Variants in CYB5R3 observed in about 807,000 individuals in gnomAD.
The protein encoded by CYB5R3 is cytochrome b5 reductase 3.
A neutral mutation model predicts 36.5 loss-of-function variants in CYB5R3; 28 were observed. The ratio of observed to expected loss-of-function variants is 0.77; its 90% CI spans 0.57 to 1.05. The LOEUF (loss-of-function observed/expected upper bound fraction) is 1.05. Ranked by LOEUF, CYB5R3 falls within the 50% of genes least tolerant of loss-of-function variation. The probability of loss-of-function intolerance (pLI) is 0.00; values close to 1 mark genes in which losing one functional copy is unlikely to be tolerated. For missense variants in CYB5R3, 474 were observed against 408.9 expected (o/e 1.16, Z -1.37); for synonymous variants, 181 against 159.8 (o/e 1.13, Z -1.00).
At chr22:42,625,581 T>C (rs1319522928) in intron 7 of CYB5R3, among the ~76,000 whole-genome samples, 1 of 151,972 alleles carries the variant, frequency 6.6e-6, no homozygotes, top group Non-Finnish European at 1.5e-5. Context: ...CTCACCACCA[T>C]CCTTTGAGGT....
At position 42,644,741 on chromosome 22, in the gene CYB5R3, A is replaced by G. The variant is rs78356298; in HGVS notation, c.21+4554T>C. 4.8e-3 allele frequency: 3,586 copies of G among 743,590 alleles called. 93 individuals carry two copies. In the African/African-American group the frequency reaches 0.062, roughly 13 times the overall value. The allele number at this position is 743,590 out of a possible 1,614,324, so 46.1% of individuals were successfully genotyped here. Reference sequence around the variant, plus strand: ...GAAGTTACATTCACAGGAAATCACCATTGTTGGGGGCCCTGGCAATGAACT... The same window carrying G: ...GAAGTTACATTCACAGGAAATCACCGTTGTTGGGGGCCCTGGCAATGAACT... On this transcript the variant is annotated intron_variant, in intron 1 of 8. Coordinates refer to ENST00000352397, the MANE Select transcript of CYB5R3 (RefSeq NM_000398.7).
intron 1 of CYB5R3, among the ~76,000 whole-genome samples, chr22:42,638,052 C>G (rs1190028253): frequency 6.6e-6 from 1 of 152,142 alleles, no homozygotes; most frequent in Non-Finnish European, 1.5e-5. Context: ...AGTTCAAGAC[C>G]AGCCTGGGCA....
At chr22:42,627,933 G>A (rs2071846) in intron 5 of CYB5R3, among the ~76,000 whole-genome samples, 1 of 151,948 alleles carries the variant, frequency 6.6e-6, no homozygotes, top group African/African-American at 2.4e-5. Context: ...GCTGGCAGTG[G>A]GTGAGACGTG....
Position 42,649,304 on chromosome 22 carries a change from C to T in CYB5R3, c.12G>A (p.Gln4=). Residue 4 remains glutamine, a synonymous_variant, in exon 1 of 9, where the codon CAG becomes CAA. Transcript: ENST00000352397. ...CCCCCTCCCCGCCTACCGTGCTGAG[C>T]TGGGCCCCCATGGTGGCCCCGCGCC... The part of the protein sequence containing the change: MGA[Q]LSTLGHMVLF... 2 of 1,026,520 alleles carry T rather than the reference C, an allele frequency of 1.9e-6. No homozygotes were observed. The highest frequency in any genetic ancestry group is 9.1e-5 in the East Asian group (1 of 10,946). The allele number at this position is 1,026,520 out of a possible 1,614,324, so 63.6% of individuals were successfully genotyped here.
At chr22:42,634,070 G>A (rs1928753028) in intron 2 of CYB5R3, among the ~76,000 whole-genome samples, 2 of 151,962 alleles carry the variant, frequency 1.3e-5, no homozygotes, top group African/African-American at 4.8e-5. Context: ...CATATCACAG[G>A]GCCAGGCACG....
In CYB5R3 at chr22:42,640,133, T is replaced by C; in HGVS notation, c.22-3287A>G. ...ATTTTTTTCAGGCTCTGAATAGCTCTAGGGATCTCAGCAGGGGTGGGAGGA... is the reference window on the plus strand; with the variant it reads ...ATTTTTTTCAGGCTCTGAATAGCTCCAGGGATCTCAGCAGGGGTGGGAGGA... On this transcript the variant is annotated intron_variant, in intron 1 of 8. Transcript: ENST00000352397. 1 of 1,613,776 alleles carries C rather than the reference T, an allele frequency of 6.2e-7. No individual in the cohort carries two copies. Among genetic ancestry groups the C allele is most frequent in the Non-Finnish European group, 8.5e-7 (1 of 1,179,942 alleles).
At chr22:42,629,550 G>T (rs770651633) in intron 4 of CYB5R3, among the ~76,000 whole-genome samples, 1 of 152,210 alleles carries the variant, frequency 6.6e-6, no homozygotes, top group Non-Finnish European at 1.5e-5. Context: ...GGGCTCCTGA[G>T]GCCAGGCCTG....
intron 1 of CYB5R3, among the ~76,000 whole-genome samples, chr22:42,643,656 C>A (rs1929396317): frequency 6.6e-6 from 1 of 152,136 alleles, no homozygotes; most frequent in South Asian, 2.1e-4. Context: ...TCACCCATGC[C>A]CAGGGCCACC....
At chr22:42,641,642 C>T (rs867118343) in intron 1 of CYB5R3, among the ~76,000 whole-genome samples, 3 of 152,192 alleles carry the variant, frequency 2.0e-5, no homozygotes, top group African/African-American at 4.8e-5. Context: ...CCCACCACCA[C>T]ACCCAGTTAA....
intron 1 of CYB5R3, chr22:42,639,887 G>T: frequency 7.4e-7 from 1 of 1,359,282 alleles, no homozygotes; most frequent in Non-Finnish European, 9.8e-7. Flanking sequence ...ATTTTATTCA[G>T]ATAGCAGTCT....
intron 4 of CYB5R3, among the ~76,000 whole-genome samples, chr22:42,629,802 G>T (rs1384171710): frequency 6.6e-6 from 1 of 152,098 alleles, no homozygotes; most frequent in Non-Finnish European, 1.5e-5. Flanking sequence ...AGGAAAGCTT[G>T]TATTTCTTTT....
chr22:42,622,656 G>T (rs1341916610), intron 8 of CYB5R3, among the ~76,000 whole-genome samples: 1 of 152,198 alleles, frequency 6.6e-6, no homozygotes, highest in Non-Finnish European at 1.5e-5. Flanking sequence ...TAGCCAGGTG[G>T]TGCAAGTCCC....
chr22:42,644,985 C>T (rs969204529), intron 1 of CYB5R3, among the ~76,000 whole-genome samples: 2 of 152,178 alleles, frequency 1.3e-5, no homozygotes, highest in Admixed American at 6.5e-5. Context: ...ACAAATGTAG[C>T]TCAAGGAGGC....
chr22:42,646,771 G>T, intron 1 of CYB5R3: 1 of 986,578 alleles, frequency 1.0e-6, no homozygotes, highest in Non-Finnish European at 1.2e-6. Flanking sequence ...GCTTGGCTGG[G>T]AACTGTGGGG....
chr22:42,630,734 C>T (rs1353655351), intron 4 of CYB5R3, 148 bp downstream of exon 4: 1 of 711,076 alleles, frequency 1.4e-6, no homozygotes, highest in East Asian at 2.8e-5. Flanking sequence ...ACTGCCCCTG[C>T]AAGCCCCTGA....
At chr22:42,627,552 A>C in intron 6 of CYB5R3, 53 bp downstream of exon 6, 1 of 1,560,794 alleles carries the variant, frequency 6.4e-7, no homozygotes, top group South Asian at 1.1e-5. Context: ...CCCACACCCC[A>C]ACCCCACCCT....
chr22:42,631,612 C>A, intron 2 of CYB5R3, 162 bp from the exon 3 acceptor site: 1 of 686,588 alleles, frequency 1.5e-6, no homozygotes, highest in Non-Finnish European at 2.6e-6. Flanking sequence ...AGCACAGATG[C>A]ACACACATGC....
At chr22:42,627,164 C>G in intron 7 of CYB5R3, 140 bp downstream of exon 7, 1 of 773,142 alleles carries the variant, frequency 1.3e-6, no homozygotes. Context: ...CGCCAGTGCA[C>G]AGAACATTCA....
intron 1 of CYB5R3, among the ~76,000 whole-genome samples, chr22:42,641,148 C>A (rs1172486498): frequency 6.6e-6 from 1 of 152,222 alleles, no homozygotes; most frequent in African/African-American, 2.4e-5. Flanking sequence ...AGCCACCACG[C>A]CCGGCCCCTT....
Sources: allele counts gnomAD v4.1 joint callset (sites outside exome capture counted in the v4.1 genomes callset), GRCh38; gene constraint gnomAD v4.1.1; transcripts MANE v1.5; gene names NCBI Gene and HGNC (gene_info 2026-07-23, HGNC 2026-07-21).